The following EIF3D variants were observed in gnomAD, a reference collection of about 807,000 sequenced individuals.
EIF3D encodes eukaryotic translation initiation factor 3 subunit D.
In EIF3D, 10 loss-of-function variants were observed where a neutral mutation model predicts 75.4. That is an observed-to-expected ratio of 0.13 (90% confidence interval 0.08 to 0.22). The LOEUF is 0.22. Ranked by LOEUF, EIF3D falls within the 10% of genes least tolerant of loss-of-function variation. The pLI, the probability that EIF3D is intolerant of heterozygous loss-of-function variation, is 1.00. For synonymous variants in EIF3D, 246 were observed against 248.3 expected (o/e 0.99, Z 0.09); for missense variants, 394 against 708.0 (o/e 0.56, Z 5.03).
chr22:36,512,373 C>T, intron 13 of EIF3D, 87 bp downstream of exon 13: 2 of 1,547,288 alleles, frequency 1.3e-6, no homozygotes, highest in Non-Finnish European at 1.8e-6. Flanking sequence ...GTCAATTGTC[C>T]AGTACACGGG....
intron 6 of EIF3D, among the ~76,000 whole-genome samples, 158 bp from the exon 7 acceptor site, chr22:36,520,846 G>C (rs1934501665): frequency 6.6e-6 from 1 of 152,202 alleles, no homozygotes; most frequent in South Asian, 2.1e-4. Context: ...CTTGAGCCCA[G>C]GAGTTTGAGG....
At chr22:36,512,371 T>A in intron 13 of EIF3D, 89 bp downstream of exon 13, 1 of 1,544,260 alleles carries the variant, frequency 6.5e-7, no homozygotes, top group Non-Finnish European at 8.8e-7. Context: ...CAGTCAATTG[T>A]CCAGTACACG....
In EIF3D at chr22:36,526,032, G is replaced by A. The variant is rs751290844; in HGVS notation, c.90C>T (p.Tyr30=). The change falls in exon 2 of 15, where the codon TAC becomes TAT. Residue 30 remains tyrosine (Y), a synonymous_variant. Coordinates refer to ENST00000216190, the MANE Select transcript of EIF3D (RefSeq NM_003753.4). ...AVPEQFRDMP[Y]QPFSKGDRLG... is the part of the protein sequence containing the mutation. ...GCCGATCTCCTTTGCTGAACGGCTG[G>A]TAGGGCATATCCCGAAACTGCTCGG... 5 of 1,613,470 alleles carry A rather than the reference G, an allele frequency of 3.1e-6. No individual in the cohort carries two copies. In the South Asian group the frequency reaches 5.5e-5, roughly 18 times the overall value.
chr22:36,512,726 A>T, intron 12 of EIF3D, 124 bp from the exon 13 acceptor site: 2 of 1,103,282 alleles, frequency 1.8e-6, no homozygotes, highest in Non-Finnish European at 2.5e-6. Context: ...TACGCACTAA[A>T]TCTTACCATT....
chr22:36,519,868 AC>A (rs1351354987), intron 7 of EIF3D, among the ~76,000 whole-genome samples: 1 of 152,056 alleles, frequency 6.6e-6, no homozygotes. Flanking sequence ...CCTAAATTCC[AC>A]CTACTTGTCC....
intron 7 of EIF3D, among the ~76,000 whole-genome samples, chr22:36,519,833 C>T (rs1382836832): frequency 6.6e-6 from 1 of 152,184 alleles, no homozygotes; most frequent in Non-Finnish European, 1.5e-5. Context: ...GCTGACTTCT[C>T]GTCTGGTGCT....
Position 36,510,900 on chromosome 22 carries a change from G to C in EIF3D, c.*87C>G, listed in dbSNP as rs368680400. 49 of 1,445,194 alleles carry C rather than the reference G, an allele frequency of 3.4e-5. No individual in the cohort carries two copies. In the Middle Eastern group the frequency reaches 5.5e-4, roughly 16 times the overall value. 89.5% of individuals were successfully genotyped at this position (1,445,194 alleles called of 1,614,324 possible). ...ATTTTATTTCATCTGCTAAATGTCA[G>C]AGAGCAAGTTAGACACACATTCCAC... On this transcript the variant is annotated 3_prime_UTR_variant, in exon 15 of 15. Coordinates refer to ENST00000216190, the MANE Select transcript of EIF3D (RefSeq NM_003753.4).
At chr22:36,521,045 C>T (rs1481221523) in intron 6 of EIF3D, among the ~76,000 whole-genome samples, 5 of 152,026 alleles carry the variant, frequency 3.3e-5, no homozygotes, top group Admixed American at 3.3e-4. Flanking sequence ...ACTAAAAATA[C>T]AAAAATTAGC....
At chr22:36,511,061 C>A (rs1488013579) in intron 14 of EIF3D, 61 bp from the exon 15 acceptor site, 2 of 1,568,372 alleles carry the variant, frequency 1.3e-6, no homozygotes, top group Admixed American at 2.0e-5. Flanking sequence ...TGTTCACTTT[C>A]CTTTCTGAAC....
In EIF3D at chr22:36,511,626, C is replaced by A; in HGVS notation, c.1510G>T (p.Gly504Cys). The stretch of plus-strand genomic sequence containing the variant: ...GGGTCCTTGAGGATGAGGTATTTGC[C>A]CTCCTCCAGCTTCATGCAGATGTCA... ...VIDICMKLEE[G>C]KYLILKDPNK... is the part of the protein sequence containing the mutation. The change falls in exon 14 of 15, where the codon GGC (glycine) becomes TGC (cysteine). Residue 504 changes from glycine (G) to cysteine (C), a missense_variant. Coordinates refer to ENST00000216190, the MANE Select transcript of EIF3D (RefSeq NM_003753.4). 1 of 1,614,094 alleles carries A rather than the reference C, an allele frequency of 6.2e-7. No individual in the cohort carries two copies. Among genetic ancestry groups the A allele is most frequent in the Non-Finnish European group, 8.5e-7 (1 of 1,180,014 alleles).
In EIF3D at chr22:36,516,770, G is replaced by A. The variant is rs376900932; in HGVS notation, c.1011C>T (p.Phe337=). 1 of 1,614,084 alleles carries A rather than the reference G, an allele frequency of 6.2e-7. No homozygotes were observed. The highest frequency in any genetic ancestry group is 1.3e-5 in the African/African-American group (1 of 74,924). ...CCTCCACAAACGGGTTTGGGTTGGG[G>A]AAGTTGTATCTTTCCTTCCCCTGCA... ...CLRMGKERYN[F]PNPNPFVEDD... is the part of the protein sequence containing the mutation. The change falls in exon 11 of 15, where the codon TTC becomes TTT. Residue 337 remains phenylalanine, a synonymous_variant. Transcript: ENST00000216190.
chr22:36,524,865 G>T, intron 3 of EIF3D, 133 bp from the exon 4 acceptor site: 1 of 1,122,790 alleles, frequency 8.9e-7, no homozygotes, highest in Non-Finnish European at 1.3e-6. Flanking sequence ...TAGACACACA[G>T]ACTCACAGTC....
chr22:36,512,771 GC>G, intron 12 of EIF3D, 169 bp from the exon 13 acceptor site: 1 of 720,874 alleles, frequency 1.4e-6, no homozygotes, highest in Non-Finnish European at 2.2e-6. Flanking sequence ...CCCTTGCACA[GC>G]CTGCCGCACA....
In EIF3D at chr22:36,527,913, G is replaced by GCTT. The variant is rs1275867216; in HGVS notation, c.-11+1160_-11+1162dup. On this transcript the variant is annotated intron_variant, in intron 1 of 14. Coordinates refer to ENST00000216190, the MANE Select transcript of EIF3D (RefSeq NM_003753.4). ...AAAGCCCCATGCTGGGGAGATTGAG[G>GCTT]CTTCCTTCAGAGATGACATTTGGGT... Among the ~76,000 whole-genome samples, 3 of 152,234 alleles carry GCTT rather than the reference G, an allele frequency of 2.0e-5. No homozygotes were observed. The East Asian group carries it at 5.8e-4, about 29-fold the overall frequency.
chr22:36,517,219 G>C, intron 10 of EIF3D, 82 bp downstream of exon 10: 2 of 1,593,164 alleles, frequency 1.3e-6, no homozygotes, highest in Non-Finnish European at 1.7e-6. Flanking sequence ...CCACAACCAA[G>C]AGCCTAGCAC....
rs562268145 is a variant in EIF3D at position 36,523,114 on chromosome 22, C to T, written c.465+95G>A. 90 of 1,000,366 alleles carry T rather than the reference C, an allele frequency of 9.0e-5. No homozygotes were observed. The Admixed American group carries it at 1.2e-3, about 13-fold the overall frequency. 62.0% of individuals were successfully genotyped at this position (1,000,366 alleles called of 1,614,324 possible). A position where few individuals can be genotyped will look rare whatever the true frequency, so the allele number is the denominator to read the frequency against. The stretch of plus-strand genomic sequence containing the variant: ...ATATATTAAAAACCACTAAATTGTA[C>T]GGTATGTGAAGTATATCTCATCTAA... On this transcript the variant is annotated intron_variant, in intron 6 of 14. Transcript: ENST00000216190.
At chr22:36,520,937 G>A (rs781458198) in intron 6 of EIF3D, among the ~76,000 whole-genome samples, 48 of 151,596 alleles carry the variant, frequency 3.2e-4, no homozygotes, top group East Asian at 1.9e-4. Flanking sequence ...CACATAAAAC[G>A]GAGGGGCTCA....
rs761293063 is a variant in EIF3D at position 36,511,783 on chromosome 22, A to G, written c.1353T>C (p.Tyr451=). The G allele has an allele frequency of 1.9e-6, 3 of 1,612,090 alleles. No individual in the cohort carries two copies. Among genetic ancestry groups the G allele is most frequent in the East Asian group, 2.2e-5 (1 of 44,832 alleles). ...LAGSEYLKLG[Y]VSRYHVKDSS... ...AGTCTTTCACGTGGTACCGAGACAC[A>G]TAACTAACAGGGGAAGGGATATCAG... The change falls in exon 14 of 15, where the codon TAT becomes TAC. Residue 451 remains tyrosine (Y), a synonymous_variant. Coordinates refer to ENST00000216190, the MANE Select transcript of EIF3D (RefSeq NM_003753.4).
intron 1 of EIF3D, among the ~76,000 whole-genome samples, chr22:36,527,306 G>A (rs1338247021): frequency 6.6e-6 from 1 of 152,202 alleles, no homozygotes; most frequent in Admixed American, 6.5e-5. Flanking sequence ...CCAAAGCACA[G>A]AGAAATGAAG....
Sources: allele counts gnomAD v4.1 joint callset (sites outside exome capture counted in the v4.1 genomes callset), GRCh38; gene constraint gnomAD v4.1.1; transcripts MANE v1.5; gene names NCBI Gene and HGNC (gene_info 2026-07-23, HGNC 2026-07-21).